The following COG7 variants were observed in gnomAD, a reference collection of about 807,000 sequenced individuals.
COG7 encodes the protein component of oligomeric golgi complex 7, also known as conserved oligomeric Golgi complex subunit 7.
In COG7, 49 loss-of-function variants were observed where a neutral mutation model predicts 91.5. The observed-to-expected ratio is 0.54, with a 90% CI of 0.43 to 0.68. The LOEUF (loss-of-function observed/expected upper bound fraction) is 0.68. COG7 is among the 30% of genes least tolerant of loss of function. The probability of loss-of-function intolerance (pLI) is 0.00; values close to 1 mark genes in which losing one functional copy is unlikely to be tolerated. For missense variants in COG7, 895 were observed against 961.3 expected, an observed-to-expected ratio of 0.93 and a Z score of 0.91; for synonymous variants, 365 against 388.7, an observed-to-expected ratio of 0.94 and a Z score of 0.72.
Position 23,413,576 on chromosome 16 carries a change from G to A in COG7, c.1293-12C>T, listed in dbSNP as rs1567335292. 4 of 1,463,822 alleles carry A rather than the reference G, an allele frequency of 2.7e-6. No homozygotes were observed. Among genetic ancestry groups the A allele is most frequent in the Non-Finnish European group, 3.8e-6 (4 of 1,042,848 alleles). The allele number at this position is 1,463,822 out of a possible 1,614,324, so 90.7% of individuals were successfully genotyped here. On this transcript the variant is annotated splice_polypyrimidine_tract_variant and intron_variant, in intron 9 of 16. Coordinates refer to ENST00000307149, the MANE Select transcript of COG7 (RefSeq NM_153603.4). ...AATCAGACACATACCTGCCGGGAAA[G>A]GGAAGAAAATGGTAGGGAGGTCACC...
At chr16:23,425,925 G>A (rs1963838504) in intron 6 of COG7, among the ~76,000 whole-genome samples, 2 of 152,104 alleles carry the variant, frequency 1.3e-5, no homozygotes, top group South Asian at 4.1e-4. Flanking sequence ...CTAGAGAGAG[G>A]ACTATGGGCC....
intron 11 of COG7, 78 bp from the exon 12 acceptor site, chr16:23,406,340 T>A: frequency 8.1e-7 from 1 of 1,231,004 alleles, no homozygotes; most frequent in Non-Finnish European, 1.2e-6. Flanking sequence ...GATTGCTCCT[T>A]ACTAAATTCA....
At position 23,388,755 on chromosome 16, in the gene COG7, C is replaced by CA; in HGVS notation, c.*164_*165insT. ...GGCTTCATGATCCATCTGGCTTGGC[C>CA]TCCCAAAGTGCTGGGATTACAGGCG... On this transcript the variant is annotated 3_prime_UTR_variant, in exon 17 of 17. Transcript: ENST00000307149. 7.6e-7 allele frequency: 1 copy of CA among 1,308,820 alleles called. No homozygotes were observed. Among genetic ancestry groups the CA allele is most frequent in the Non-Finnish European group, 1.0e-6 (1 of 983,660 alleles). 81.1% of individuals were successfully genotyped at this position (1,308,820 alleles called of 1,614,324 possible).
In COG7 at chr16:23,405,960, G is replaced by A. The variant is rs544337851; in HGVS notation, c.1662+116C>T. 1.3e-5 allele frequency: 11 copies of A among 874,136 alleles called. No individual in the cohort carries two copies. The South Asian group carries it at 1.3e-4, about 11-fold the overall frequency. The allele number at this position is 874,136 out of a possible 1,614,324, so 54.1% of individuals were successfully genotyped here. ...TAAATGAGACAGAGAGGTAGTAGCA[G>A]GGTACGTCACAGCCCAGGGCCACAC... On this transcript the variant is annotated intron_variant, in intron 12 of 16. Transcript: ENST00000307149.
At chr16:23,449,585 T>C (rs1054784263) in intron 1 of COG7, among the ~76,000 whole-genome samples, 6 of 147,544 alleles carry the variant, frequency 4.1e-5, no homozygotes, top group Non-Finnish European at 7.5e-5. Flanking sequence ...CTACTAAAAA[T>C]ACAAAATTAG....
Position 23,403,742 on chromosome 16 carries a change from G to A in COG7, c.1755C>T (p.Ser585=), listed in dbSNP as rs757896550. 1.6e-5 allele frequency: 26 copies of A among 1,614,072 alleles called. No homozygotes were observed. In the Admixed American group the frequency reaches 3.0e-4, roughly 19 times the overall value. ...GCTGTTGTTTGATGCGCAGGAACAC[G>A]GAATCGAAAGCCAGCTGGTGGGCCT... ...NQQAHQLAFD[S]VFLRIKQQLL... is the part of the protein sequence containing the mutation. The change falls in exon 13 of 17, where the codon TCC becomes TCT. Residue 585 remains serine, a synonymous_variant. Coordinates refer to ENST00000307149, the MANE Select transcript of COG7 (RefSeq NM_153603.4).
intron 9 of COG7, chr16:23,415,075 G>A (rs547770114): frequency 2.0e-5 from 3 of 152,334 alleles, no homozygotes; most frequent in East Asian, 3.9e-4. Context: ...CCTTTACAGA[G>A]AGCTCGATGC....
Position 23,424,940 on chromosome 16 carries a change from T to C in COG7, c.818A>G (p.Gln273Arg), listed in dbSNP as rs746662903. 6.9e-6 allele frequency: 11 copies of C among 1,603,484 alleles called. No homozygotes were observed. The South Asian group carries it at 1.0e-4, about 15-fold the overall frequency. Residue 273 changes from glutamine (Q) to arginine (R), a missense_variant, in exon 7 of 17, where the codon CAG becomes CGG. By Grantham distance (43) the Gln-to-Arg change is conservative. Coordinates refer to ENST00000307149, the MANE Select transcript of COG7 (RefSeq NM_153603.4). The part of the protein sequence containing the change: ...TQIQWATQVF[Q>R]KPHEVVMVLL... ...CACCATTACCACCTCGTGGGGCTTC[T>C]GGAAAACCTGCAGTGAGAGAGAGGT...
chr16:23,451,886 C>A (rs1964271697), intron 1 of COG7, among the ~76,000 whole-genome samples: 1 of 151,940 alleles, frequency 6.6e-6, no homozygotes, highest in South Asian at 2.1e-4. Flanking sequence ...GTTGGCTATT[C>A]TTTCATACTC....
At chr16:23,403,639 G>A in intron 13 of COG7, 55 bp downstream of exon 13, 3 of 1,596,908 alleles carry the variant, frequency 1.9e-6, no homozygotes, top group Non-Finnish European at 2.6e-6. Flanking sequence ...CACTCAGTAT[G>A]CTTGAGTTGG....
chr16:23,431,426 T>C (rs1423872771), intron 6 of COG7, among the ~76,000 whole-genome samples: 3 of 152,234 alleles, frequency 2.0e-5, no homozygotes, highest in African/African-American at 7.2e-5. Context: ...TTCTTTTTCT[T>C]AGATGACGAA....
chr16:23,413,182 T>C (rs1017318478), intron 10 of COG7: 1 of 393,798 alleles, frequency 2.5e-6, no homozygotes, highest in Admixed American at 3.8e-5. Context: ...ACATCAAATA[T>C]AAAAAATTTA....
chr16:23,413,300 TAG>T (rs1466850464), intron 10 of COG7, 146 bp downstream of exon 10: 4 of 697,314 alleles, frequency 5.7e-6, no homozygotes, highest in Non-Finnish European at 8.0e-6. Flanking sequence ...GGTTTGTGTT[TAG>T]AGTCTGGAGT....
chr16:23,411,551 C>T (rs1361763880), intron 10 of COG7, among the ~76,000 whole-genome samples: 1 of 152,116 alleles, frequency 6.6e-6, no homozygotes, highest in African/African-American at 2.4e-5. Flanking sequence ...GTAGGACGTG[C>T]AGGTTTGTTA....
At chr16:23,429,083 A>G (rs894415399) in intron 6 of COG7, among the ~76,000 whole-genome samples, 1 of 151,802 alleles carries the variant, frequency 6.6e-6, no homozygotes, top group Admixed American at 6.6e-5. Flanking sequence ...TCAACTTCCC[A>G]GGCTCAGGTG....
chr16:23,406,275 G>T lies in COG7; in HGVS notation c.1476-13C>A. The T allele has an allele frequency of 6.2e-7, 1 of 1,610,902 alleles. No individual in the cohort carries two copies. Among genetic ancestry groups the T allele is most frequent in the South Asian group, 1.1e-5 (1 of 91,006 alleles). On this transcript the variant is annotated splice_polypyrimidine_tract_variant and intron_variant, in intron 11 of 16. Transcript: ENST00000307149. ...TGTGGACAAAATCCTGTAATGAAAG[G>T]AATGACCATTATGCCCTGAGCTATT...
At chr16:23,442,945 G>T (rs1339009242) in intron 3 of COG7, among the ~76,000 whole-genome samples, 1 of 151,546 alleles carries the variant, frequency 6.6e-6, no homozygotes, top group African/African-American at 2.4e-5. Context: ...AAGGCAGGAG[G>T]ATCACTTGAG....
At chr16:23,409,485 CCA>C (rs896739328) in intron 11 of COG7, among the ~76,000 whole-genome samples, 5 of 152,072 alleles carry the variant, frequency 3.3e-5, no homozygotes, top group African/African-American at 1.2e-4. Flanking sequence ...TCACTTTGTA[CCA>C]CCACTAAAAA....
chr16:23,406,452 T>TA (rs1031637629), intron 11 of COG7, among the ~76,000 whole-genome samples, 190 bp from the exon 12 acceptor site: 5 of 152,076 alleles, frequency 3.3e-5, no homozygotes, highest in African/African-American at 7.2e-5. Context: ...AGGTGCACAA[T>TA]AAAAAAAACC....
Sources: gnomAD v4.1 joint callset for allele counts (sites outside exome capture counted in the v4.1 genomes callset) on GRCh38, gnomAD v4.1.1 for gene constraint, MANE v1.5 for transcripts, NCBI Gene and HGNC (gene_info 2026-07-23, HGNC 2026-07-21) for gene names.